DHRS4: variants seen among roughly 807,000 people sequenced by gnomAD.
DHRS4 encodes the protein dehydrogenase/reductase SDR family member 4.
A neutral mutation model predicts 28.4 loss-of-function variants in DHRS4; 20 were observed. That is an observed-to-expected ratio of 0.71 (90% CI 0.50 to 1.02). The LOEUF (loss-of-function observed/expected upper bound fraction) is 1.02, where lower values mean the gene tolerates loss of function less well. DHRS4 is among the 50% of genes least tolerant of loss of function. DHRS4 has a pLI of 0.00. For synonymous variants in DHRS4, 144 were observed against 146.4 expected, an observed-to-expected ratio of 0.98 and a Z score of 0.12; for missense variants, 378 against 367.2, an observed-to-expected ratio of 1.03 and a Z score of -0.24.
chr14:23,955,002 G>A, intron 1 of DHRS4, 33 bp from the exon 2 acceptor site: 2 of 1,613,580 alleles, frequency 1.2e-6, no homozygotes, highest in Non-Finnish European at 1.7e-6. Flanking sequence ...CCCTGCACAG[G>A]CCTTAGCAGT....
chr14:23,966,600 T>G (rs1320675595), intron 6 of DHRS4, among the ~76,000 whole-genome samples, 183 bp downstream of exon 6: 2 of 151,894 alleles, frequency 1.3e-5, no homozygotes, highest in Non-Finnish European at 2.9e-5. Context: ...ACACCTTTTC[T>G]GAGGTATAGG....
chr14:23,967,005 A>G (rs1734336709), intron 6 of DHRS4, among the ~76,000 whole-genome samples: 2 of 152,038 alleles, frequency 1.3e-5, no homozygotes, highest in African/African-American at 4.8e-5. Flanking sequence ...AATACAAAAA[A>G]TTAGCCGGGC....
intron 2 of DHRS4, among the ~76,000 whole-genome samples, chr14:23,958,647 C>G (rs2033272781): frequency 6.6e-6 from 1 of 152,200 alleles, no homozygotes; most frequent in Non-Finnish European, 1.5e-5. Flanking sequence ...ACATCATAAC[C>G]AAATATGGAA....
At chr14:23,960,037 G>A (rs779639244) in intron 3 of DHRS4, 34 bp downstream of exon 3, 13 of 1,585,942 alleles carry the variant, frequency 8.2e-6, no homozygotes, top group Non-Finnish European at 1.1e-5. Flanking sequence ...GGCCGGGGGG[G>A]GCGCCTTGGA....
Position 23,961,684 on chromosome 14 carries a change from A to G in DHRS4, c.408+1681A>G, listed in dbSNP as rs914732762. Among the ~76,000 whole-genome samples the G allele has an allele frequency of 5.2e-5, 5 of 95,582 alleles. 2 individuals carry two copies. The highest frequency in any genetic ancestry group is 1.0e-4 in the Admixed American group (1 of 9,866). The allele number at this position is 95,582 out of a possible 152,430, so 62.7% of individuals were successfully genotyped here. ...CAGGCATGTGCCATCATGCCTGGCT[A>G]ATTTTTTGTATTGAGATGCGGTTTC... On this transcript the variant is annotated intron_variant, in intron 3 of 7. Coordinates refer to ENST00000313250, the MANE Select transcript of DHRS4 (RefSeq NM_021004.4).
intron 3 of DHRS4, 148 bp from the exon 4 acceptor site, chr14:23,965,614 T>G: frequency 1.3e-6 from 1 of 762,508 alleles, no homozygotes; most frequent in Admixed American, 2.8e-5. Context: ...GAACCTCAGT[T>G]CCTTCATGTG....
At position 23,953,799 on chromosome 14, in the gene DHRS4, C is replaced by A; in HGVS notation, c.11C>A (p.Ala4Glu). Residue 4 changes from alanine (A) to glutamate (E), a missense_variant, in exon 1 of 8, where the codon GCG becomes GAG. Ala to Glu is a moderately radical substitution (Grantham distance 107). Coordinates refer to ENST00000313250, the MANE Select transcript of DHRS4 (RefSeq NM_021004.4). ...TTGCTGGTCTGATCCATGCACAAGG[C>A]GGGGCTGCTAGGCCTCTGTGCCCGG... MHK[A>E]GLLGLCARAW... 4.3e-6 allele frequency: 7 copies of A among 1,614,030 alleles called. No individual in the cohort carries two copies. Among genetic ancestry groups the A allele is most frequent in the African/African-American group, 2.7e-5 (2 of 75,054 alleles).
At chr14:23,959,854 C>T in intron 2 of DHRS4, 48 bp from the exon 3 acceptor site, 2 of 1,592,508 alleles carry the variant, frequency 1.3e-6, no homozygotes, top group Non-Finnish European at 1.7e-6. Flanking sequence ...GTAAATGCAC[C>T]TCCCTTACTT....
At chr14:23,968,425 T>G (rs1351379859) in intron 7 of DHRS4, among the ~76,000 whole-genome samples, 1 of 150,782 alleles carries the variant, frequency 6.6e-6, no homozygotes, top group African/African-American at 2.5e-5. Context: ...TGTGTGCACA[T>G]GTGAAACCAT....
intron 2 of DHRS4, among the ~76,000 whole-genome samples, chr14:23,955,824 A>C (rs556992149): frequency 6.6e-6 from 1 of 152,344 alleles, no homozygotes; most frequent in Non-Finnish European, 1.5e-5. Context: ...CTTTAGTCTC[A>C]AAGAAAGTAT....
intron 6 of DHRS4, among the ~76,000 whole-genome samples, chr14:23,966,738 G>A (rs1480146115): frequency 6.6e-6 from 1 of 152,358 alleles, no homozygotes; most frequent in Admixed American, 6.5e-5. Flanking sequence ...GGGCAGTGGG[G>A]AGAGCTGGGA....
At position 23,959,885 on chromosome 14, in the gene DHRS4, C is replaced by T. The variant is rs1233811095; in HGVS notation, c.307-17C>T. ...TACTTACTGCAGCCCTGGTCCAGAA[C>T]TTACCCCTCTCTCTAGGCTGTGAAG... On this transcript the variant is annotated splice_polypyrimidine_tract_variant and intron_variant, in intron 2 of 7. Transcript: ENST00000313250. The T allele has an allele frequency of 1.9e-6, 3 of 1,612,050 alleles. No homozygotes were observed. Among genetic ancestry groups the T allele is most frequent in the South Asian group, 1.1e-5 (1 of 91,040 alleles).
intron 3 of DHRS4, 34 bp downstream of exon 3, chr14:23,960,037 G>GGA (rs1566472658): frequency 1.3e-6 from 2 of 1,585,820 alleles, no homozygotes; most frequent in African/African-American, 1.4e-5. Context: ...GGCCGGGGGG[G>GGA]GCGCCTTGGA....
chr14:23,964,459 G>A (rs1193576201), intron 3 of DHRS4, among the ~76,000 whole-genome samples: 1 of 140,576 alleles, frequency 7.1e-6, no homozygotes, highest in Middle Eastern at 3.5e-3. Context: ...CAAACTCTTG[G>A]TTGTGATAAC....
chr14:23,968,282 G>T (rs1235195663), intron 7 of DHRS4, among the ~76,000 whole-genome samples: 1 of 149,804 alleles, frequency 6.7e-6, no homozygotes, highest in Admixed American at 6.6e-5. Flanking sequence ...ATAAGAATTA[G>T]CACATTCTCA....
intron 2 of DHRS4, among the ~76,000 whole-genome samples, chr14:23,957,225 A>G (rs1028074834): frequency 5.3e-5 from 8 of 152,216 alleles, no homozygotes; most frequent in African/African-American, 1.9e-4. Context: ...TAGAGAAGTC[A>G]AAAATGACTC....
intron 3 of DHRS4, among the ~76,000 whole-genome samples, chr14:23,964,019 G>A (rs1056110468): frequency 5.3e-5 from 8 of 150,884 alleles, no homozygotes; most frequent in African/African-American, 2.0e-4. Context: ...TCTTTTCTGG[G>A]TGTGGTTTGT....
rs1158846747 is a variant in DHRS4, at chr14:23,955,139, G to A, written c.233G>A (p.Gly78Glu). The A allele has an allele frequency of 6.2e-7, 1 of 1,614,010 alleles. No individual in the cohort carries two copies. The highest frequency in any genetic ancestry group is 2.2e-5 in the East Asian group (1 of 44,876). Reference sequence around the variant, plus strand: ...GACCAGGCGGTGGCCACGCTGCAGGGGGAGGGGCTGAGCGTGACGGGCACC... The same window carrying A: ...GACCAGGCGGTGGCCACGCTGCAGGAGGAGGGGCTGAGCGTGACGGGCACC... ...NVDQAVATLQ[G>E]EGLSVTGTVC... is the part of the protein sequence containing the mutation. The change falls in exon 2 of 8, where the codon GGG (glycine) becomes GAG (glutamate). Residue 78 changes from glycine to glutamate, a missense_variant. Gly to Glu is a moderately conservative substitution (Grantham distance 98). Transcript: ENST00000313250.
At chr14:23,962,659 C>A (rs2033462328) in intron 3 of DHRS4, among the ~76,000 whole-genome samples, 2 of 151,730 alleles carry the variant, frequency 1.3e-5, no homozygotes, top group Admixed American at 1.3e-4. Context: ...CCTTCCACGT[C>A]ATCCATGAGG....
Sources: allele counts gnomAD v4.1 joint callset (sites outside exome capture counted in the v4.1 genomes callset), GRCh38; gene constraint gnomAD v4.1.1; transcripts MANE v1.5; gene names NCBI Gene and HGNC (gene_info 2026-07-23, HGNC 2026-07-21).